The following FGD3 variants were observed in gnomAD, a reference collection of about 807,000 sequenced individuals.
FGD3 encodes the protein FYVE, RhoGEF and PH domain containing 3.
In FGD3, 45 loss-of-function variants were observed where a neutral mutation model predicts 71.8. That is an observed-to-expected ratio of 0.63 (90% CI 0.49 to 0.80). The LOEUF (loss-of-function observed/expected upper bound fraction) is 0.80. FGD3 is among the 30% of genes least tolerant of loss of function. FGD3 has a pLI of 0.00. For synonymous variants in FGD3, 378 were observed against 392.8 expected, an observed-to-expected ratio of 0.96 and a Z score of 0.44; for missense variants, 844 against 951.5, an observed-to-expected ratio of 0.89 and a Z score of 1.49.
At chr9:92,957,100 C>T (rs148759729) in intron 1 of FGD3, among the ~76,000 whole-genome samples, 1,888 of 152,322 alleles carry the variant, frequency 0.012, 16 homozygotes, top group Non-Finnish European at 0.02. Context: ...ACGCATTCTC[C>T]AGTTGTCAGA....
At chr9:92,992,039 T>C (rs1860432884) in intron 3 of FGD3, among the ~76,000 whole-genome samples, 1 of 152,244 alleles carries the variant, frequency 6.6e-6, no homozygotes, top group South Asian at 2.1e-4. Context: ...TATGTGTGTC[T>C]TTACAGGTAA....
At chr9:93,027,723 T>C (rs1187556501) in intron 14 of FGD3, among the ~76,000 whole-genome samples, 2 of 105,084 alleles carry the variant, frequency 1.9e-5, no homozygotes, top group African/African-American at 3.3e-5. Context: ...TTCTTTTTTT[T>C]TTTTTTTTTT....
intron 1 of FGD3, among the ~76,000 whole-genome samples, chr9:92,958,899 T>C (rs1859114492): frequency 6.6e-6 from 1 of 152,254 alleles, no homozygotes; most frequent in Non-Finnish European, 1.5e-5. Context: ...GTTCATTGAT[T>C]TCCATTGATT....
rs762280368 is a variant in FGD3, at chr9:93,010,238, C to T, written c.838-8C>T. 3.3e-5 allele frequency: 53 copies of T among 1,602,488 alleles called. No homozygotes were observed. The Admixed American group carries it at 4.5e-4, about 14-fold the overall frequency. On this transcript the variant is annotated splice_polypyrimidine_tract_variant and splice_region_variant and intron_variant, in intron 6 of 17. Transcript: ENST00000375482. ...TTGGAGTGCCCAATGCTCCCTCTGT[C>T]CCCACAGAAGCAGGAGGTATGCGGG...
At position 93,018,220 on chromosome 9, in the gene FGD3, G is replaced by A. The variant is rs371822611; in HGVS notation, c.1355+5G>A. ...GTCCCTGGAGCTGCAGACGCGGTATGGAACGGGCTGTTTCTAGTGAATGTC... is the reference window on the plus strand; with the variant it reads ...GTCCCTGGAGCTGCAGACGCGGTATAGAACGGGCTGTTTCTAGTGAATGTC... On this transcript the variant is annotated splice_donor_5th_base_variant and intron_variant, in intron 11 of 17. Transcript: ENST00000375482. 6.5e-5 allele frequency: 104 copies of A among 1,612,296 alleles called. No homozygotes were observed. In the Middle Eastern group the frequency reaches 2.5e-3, roughly 38 times the overall value.
intron 6 of FGD3, among the ~76,000 whole-genome samples, chr9:93,007,737 G>A (rs1223900330): frequency 2.0e-5 from 3 of 152,214 alleles, no homozygotes; most frequent in East Asian, 3.9e-4. Context: ...GGCAGGCTGT[G>A]GGGAGGGCTC....
chr9:93,007,070 T>G (rs1465801803), intron 6 of FGD3, among the ~76,000 whole-genome samples: 1 of 149,272 alleles, frequency 6.7e-6, no homozygotes, highest in Non-Finnish European at 1.5e-5. Context: ...CAGAATTTTT[T>G]ATTTTTTATT....
chr9:93,016,773 G>A (rs1363859499), intron 10 of FGD3, among the ~76,000 whole-genome samples: 5 of 151,666 alleles, frequency 3.3e-5, no homozygotes, highest in African/African-American at 7.3e-5. Context: ...ACAGGTGCGC[G>A]CCACCACGCC....
In FGD3 at chr9:93,013,956, G is replaced by A. The variant is rs41273400; in HGVS notation, c.1140G>A (p.Leu380=). ...ELIKEGQIQK[L]SAKNGTPQDR... The stretch of plus-strand genomic sequence containing the variant: ...TCAAGGAGGGCCAAATCCAGAAACT[G>A]TCAGCCAAGAACGGCACCCCCCAGG... Residue 380 remains leucine (L), a synonymous_variant, in exon 9 of 18, where the codon CTG becomes CTA. Coordinates refer to ENST00000375482, the MANE Select transcript of FGD3 (RefSeq NM_001083536.2). 5,591 of 1,611,412 alleles carry A rather than the reference G, an allele frequency of 3.5e-3. 12 individuals are homozygous for A. Among genetic ancestry groups the A allele is most frequent in the Non-Finnish European group, 4.4e-3 (5,194 of 1,178,994 alleles).
intron 3 of FGD3, among the ~76,000 whole-genome samples, chr9:93,002,657 C>T (rs1486612154): frequency 2.0e-5 from 3 of 152,192 alleles, no homozygotes; most frequent in East Asian, 1.9e-4. Context: ...GAAGGAGGGC[C>T]GAGAGCTGTT....
rs889166442 is a variant in FGD3, at chr9:93,021,406, C to T, written c.1495-921C>T. Among the ~76,000 whole-genome samples the T allele has an allele frequency of 9.8e-5, 15 of 152,288 alleles. 1 individual carries two copies. Among genetic ancestry groups the T allele is most frequent in the Middle Eastern group, 3.4e-3 (1 of 294 alleles). On this transcript the variant is annotated intron_variant, in intron 13 of 17. Transcript: ENST00000375482. Reference sequence around the variant, plus strand: ...GCCAATCCCCGGCCATTTCTCCTCCCGGGGCTTCCCTGGAGTCAGGGAGAG... The same window carrying T: ...GCCAATCCCCGGCCATTTCTCCTCCTGGGGCTTCCCTGGAGTCAGGGAGAG...
chr9:93,035,333 T>A lies in FGD3; in HGVS notation c.1927-5T>A. 6.2e-7 allele frequency: 1 copy of A among 1,607,224 alleles called. No individual in the cohort carries two copies. Among genetic ancestry groups the A allele is most frequent in the Non-Finnish European group, 8.5e-7 (1 of 1,176,862 alleles). ...CCCCGCTGACCATCTGCTCCTCTGC[T>A]GCAGGACGGCCGGCTGCCCCGCACC... On this transcript the variant is annotated splice_polypyrimidine_tract_variant and splice_region_variant and intron_variant, in intron 17 of 17. Transcript: ENST00000375482.
chr9:92,959,149 C>T (rs564274313), intron 1 of FGD3, among the ~76,000 whole-genome samples: 135 of 152,058 alleles, frequency 8.9e-4, no homozygotes, highest in Non-Finnish European at 6.5e-4. Flanking sequence ...TTAGTGGAGA[C>T]GGGGTTTCAC....
intron 1 of FGD3, among the ~76,000 whole-genome samples, chr9:92,974,145 C>T (rs1859635607): frequency 6.6e-6 from 1 of 152,086 alleles, no homozygotes; most frequent in Admixed American, 6.5e-5. Context: ...TCTATTACTC[C>T]ATCCTGACCA....
intron 1 of FGD3, among the ~76,000 whole-genome samples, chr9:92,951,649 TG>T (rs1333983880): frequency 6.6e-6 from 1 of 152,238 alleles, no homozygotes; most frequent in Non-Finnish European, 1.5e-5. Flanking sequence ...CACTCTAGCC[TG>T]GGTGACAGAG....
chr9:92,952,569 C>A (rs952181981), intron 1 of FGD3, among the ~76,000 whole-genome samples: 8 of 151,926 alleles, frequency 5.3e-5, no homozygotes, highest in African/African-American at 1.9e-4. Flanking sequence ...CTGAAGGCCC[C>A]CCCATCCCAT....
chr9:92,971,152 C>A (rs1225052300), intron 1 of FGD3, among the ~76,000 whole-genome samples: 1 of 152,148 alleles, frequency 6.6e-6, no homozygotes, highest in Non-Finnish European at 1.5e-5. Context: ...AACATGCCTT[C>A]ATTTTGAGGT....
intron 1 of FGD3, among the ~76,000 whole-genome samples, chr9:92,961,558 C>G (rs1859167809): frequency 1.3e-5 from 2 of 152,176 alleles, no homozygotes; most frequent in Admixed American, 1.3e-4. Context: ...TTCAGGTCAC[C>G]CTTGCCCTTT....
At chr9:93,027,705 T>C (rs548309164) in intron 14 of FGD3, among the ~76,000 whole-genome samples, 2 of 132,462 alleles carry the variant, frequency 1.5e-5, no homozygotes, top group South Asian at 2.6e-4. Context: ...GTTCATCTTT[T>C]TCTTTCTTTC....
Sources: allele counts gnomAD v4.1 joint callset (sites outside exome capture counted in the v4.1 genomes callset), GRCh38; gene constraint gnomAD v4.1.1; transcripts MANE v1.5; gene names NCBI Gene and HGNC (gene_info 2026-07-23, HGNC 2026-07-21).